Variants in ZBTB7C observed in about 807,000 individuals in gnomAD.
ZBTB7C encodes the protein zinc finger and BTB domain-containing protein 7C.
A neutral mutation model predicts 25.7 loss-of-function variants in ZBTB7C; 8 were observed. That is an observed-to-expected ratio of 0.31 (90% CI 0.18 to 0.56). ZBTB7C has a LOEUF of 0.56. ZBTB7C is among the 20% of genes least tolerant of loss of function. ZBTB7C has a pLI of 0.91. For synonymous variants in ZBTB7C, 394 were observed against 369.0 expected, an observed-to-expected ratio of 1.07 and a Z score of -0.78; for missense variants, 824 against 855.2, an observed-to-expected ratio of 0.96 and a Z score of 0.46.
intron 2 of ZBTB7C, among the ~76,000 whole-genome samples, chr18:48,268,396 G>A (rs2044375973): frequency 6.6e-6 from 1 of 152,186 alleles, no homozygotes. Context: ...AGAGACAGCT[G>A]GGGATTTATA....
intron 3 of ZBTB7C, among the ~76,000 whole-genome samples, chr18:48,170,047 T>C (rs368164996): frequency 1.3e-5 from 2 of 152,268 alleles, no homozygotes; most frequent in African/African-American, 4.8e-5. Flanking sequence ...TCATTATCTA[T>C]TCACTGAAAG....
intron 1 of ZBTB7C, among the ~76,000 whole-genome samples, chr18:48,380,331 T>C (rs1322281633): frequency 1.3e-5 from 2 of 152,184 alleles, no homozygotes; most frequent in Non-Finnish European, 2.9e-5. Flanking sequence ...GGGAATTGAA[T>C]ATTAAATAAA....
At chr18:48,234,513 C>T (rs1215969716) in intron 2 of ZBTB7C, among the ~76,000 whole-genome samples, 3 of 151,090 alleles carry the variant, frequency 2.0e-5, no homozygotes, top group Non-Finnish European at 3.0e-5. Context: ...TGTGTACATG[C>T]GTGTGTGTGT....
intron 3 of ZBTB7C, among the ~76,000 whole-genome samples, chr18:48,064,462 GC>G (rs1381959523): frequency 3.9e-5 from 6 of 152,244 alleles, no homozygotes; most frequent in African/African-American, 1.4e-4. Flanking sequence ...ATGGCAATAG[GC>G]CAGGTGTGGT....
intron 3 of ZBTB7C, among the ~76,000 whole-genome samples, chr18:48,123,067 C>A (rs147653237): frequency 2.0e-4 from 30 of 152,256 alleles, no homozygotes; most frequent in Admixed American, 3.9e-4. Flanking sequence ...TCTCTCCTGG[C>A]AGCTGTGGGT....
chr18:48,110,149 G>A (rs2039184688), intron 3 of ZBTB7C, among the ~76,000 whole-genome samples: 1 of 152,194 alleles, frequency 6.6e-6, no homozygotes, highest in African/African-American at 2.4e-5. Flanking sequence ...ATTGTGCCCA[G>A]ACAAGGCACA....
chr18:48,402,774 A>G (rs913823162), intron 1 of ZBTB7C, among the ~76,000 whole-genome samples: 1 of 152,232 alleles, frequency 6.6e-6, no homozygotes, highest in African/African-American at 2.4e-5. Flanking sequence ...CCAGAAAAAA[A>G]AGACTGGAAG....
At chr18:48,125,328 T>C (rs1210069552) in intron 3 of ZBTB7C, among the ~76,000 whole-genome samples, 1 of 152,188 alleles carries the variant, frequency 6.6e-6, no homozygotes, top group Non-Finnish European at 1.5e-5. Context: ...ATCTCACTCC[T>C]GAATGGAATT....
intron 2 of ZBTB7C, among the ~76,000 whole-genome samples, chr18:48,192,967 A>T (rs1006690607): frequency 2.7e-5 from 3 of 109,932 alleles, no homozygotes; most frequent in Admixed American, 8.0e-5. Flanking sequence ...TTCTTAATTA[A>T]AAAAAAATCA....
intron 2 of ZBTB7C, among the ~76,000 whole-genome samples, chr18:48,241,090 TA>T (rs916903017): frequency 8.7e-5 from 13 of 149,712 alleles, no homozygotes; most frequent in South Asian, 2.1e-4. Context: ...CAACAACAAT[TA>T]AAAAAAAACA....
chr18:48,271,908 T>G (rs1052647855), intron 2 of ZBTB7C, among the ~76,000 whole-genome samples: 8 of 152,192 alleles, frequency 5.3e-5, no homozygotes, highest in Middle Eastern at 3.2e-3. Flanking sequence ...TGCAGGACCC[T>G]AAATTATGCC....
At chr18:48,253,366 AC>A (rs1294485610) in intron 2 of ZBTB7C, among the ~76,000 whole-genome samples, 1 of 152,162 alleles carries the variant, frequency 6.6e-6, no homozygotes, top group East Asian at 1.9e-4. Flanking sequence ...TTACCCTCCC[AC>A]CTGGAAAAAT....
intron 3 of ZBTB7C, among the ~76,000 whole-genome samples, chr18:48,049,198 G>C (rs1221241473): frequency 6.6e-6 from 1 of 152,206 alleles, no homozygotes; most frequent in Non-Finnish European, 1.5e-5. Flanking sequence ...GTGCAAGCCT[G>C]CCTGGCTAGT....
intron 3 of ZBTB7C, among the ~76,000 whole-genome samples, chr18:48,047,511 A>T (rs993074231): frequency 8.5e-5 from 13 of 152,188 alleles, no homozygotes; most frequent in African/African-American, 3.1e-4. Flanking sequence ...TGGAAGAAAG[A>T]GGTTAAAGAA....
At chr18:48,118,016 T>C (rs2039502867) in intron 3 of ZBTB7C, among the ~76,000 whole-genome samples, 2 of 151,068 alleles carry the variant, frequency 1.3e-5, no homozygotes, top group East Asian at 3.9e-4. Context: ...TTTTTTTTTT[T>C]TTTTACTGAG....
intron 3 of ZBTB7C, among the ~76,000 whole-genome samples, chr18:48,050,302 C>G (rs1177056296): frequency 3.3e-5 from 5 of 152,166 alleles, no homozygotes; most frequent in African/African-American, 1.2e-4. Context: ...CCCTGGAATG[C>G]CCCTGGGCCT....
intron 1 of ZBTB7C, among the ~76,000 whole-genome samples, chr18:48,371,282 GA>G (rs1220180858): frequency 2.6e-5 from 4 of 152,136 alleles, no homozygotes; most frequent in African/African-American, 9.7e-5. Context: ...GTCCCCAGCT[GA>G]AAAAATACTG....
At chr18:48,344,050 T>C (rs1334157098) in intron 1 of ZBTB7C, among the ~76,000 whole-genome samples, 1 of 152,234 alleles carries the variant, frequency 6.6e-6, no homozygotes, top group Middle Eastern at 3.2e-3. Flanking sequence ...AGTGGCACGA[T>C]CTCGGCTCAC....
At chr18:48,216,797 T>TC (rs2042834966) in intron 2 of ZBTB7C, among the ~76,000 whole-genome samples, 1 of 152,072 alleles carries the variant, frequency 6.6e-6, no homozygotes, top group Non-Finnish European at 1.5e-5. Flanking sequence ...TAGACCCTCA[T>TC]CATTTGTTGT....
Sources: allele counts gnomAD v4.1 joint callset (sites outside exome capture counted in the v4.1 genomes callset), GRCh38; gene constraint gnomAD v4.1.1; transcripts MANE v1.5; gene names NCBI Gene and HGNC (gene_info 2026-07-23, HGNC 2026-07-21).